PHC2: variants seen among roughly 807,000 people sequenced by gnomAD.
The protein encoded by PHC2 is polyhomeotic-like protein 2.
PHC2 carries 29 observed loss-of-function variants against 87.4 expected under a neutral mutation model. The ratio of observed to expected loss-of-function variants is 0.33; its 90% CI spans 0.25 to 0.45. The LOEUF (loss-of-function observed/expected upper bound fraction) is 0.45. Among genes scored for constraint, PHC2 ranks in the 20% least tolerant of loss-of-function variants. PHC2 has a pLI of 1.00. For synonymous variants in PHC2, 438 were observed against 461.7 expected, an observed-to-expected ratio of 0.95 and a Z score of 0.66; for missense variants, 857 against 1,136.7, an observed-to-expected ratio of 0.75 and a Z score of 3.54.
Position 33,328,958 on chromosome 1 carries a change from G to A in PHC2, c.2337C>T (p.Asp779=), listed in dbSNP as rs772487197. The A allele has an allele frequency of 3.7e-6, 6 of 1,613,994 alleles. No homozygotes were observed. The African/African-American group carries it at 5.3e-5, about 14-fold the overall frequency. Residue 779 remains aspartate (D), a synonymous_variant, in exon 14 of 15, where the codon GAC becomes GAT. Transcript: ENST00000683057. ...GGAAGTGGTGTCCCATGCCCACCAGGTCCCGCATATGCATGTCGGGGAGCT... is the reference window on the plus strand; with the variant it reads ...GGAAGTGGTGTCCCATGCCCACCAGATCCCGCATATGCATGTCGGGGAGCT... The part of the protein sequence containing the change: ...DLELPDMHMR[D]LVGMGHHFLP...
At chr1:33,400,467 T>G (rs1243836594) in intron 1 of PHC2, among the ~76,000 whole-genome samples, 1 of 152,244 alleles carries the variant, frequency 6.6e-6, no homozygotes, top group Admixed American at 6.5e-5. Context: ...TATTAAGCAC[T>G]TACTGTGTAG....
intron 1 of PHC2, among the ~76,000 whole-genome samples, chr1:33,414,638 T>C (rs139142786): frequency 6.1e-4 from 93 of 152,322 alleles, no homozygotes; most frequent in African/African-American, 2.0e-3. Context: ...TAGCCTTATT[T>C]TGAAATTCCT....
intron 2 of PHC2, among the ~76,000 whole-genome samples, chr1:33,373,274 C>A (rs909597002): frequency 3.3e-5 from 5 of 152,148 alleles, no homozygotes; most frequent in Non-Finnish European, 5.9e-5. Context: ...CCCGCCACCA[C>A]ACCTGGCTAA....
intron 1 of PHC2, among the ~76,000 whole-genome samples, chr1:33,420,453 GA>G (rs931632410): frequency 6.6e-6 from 1 of 151,942 alleles, no homozygotes; most frequent in Non-Finnish European, 1.5e-5. Context: ...AAGGAAGATT[GA>G]AAAAAATCAG....
chr1:33,369,598 T>C lies in PHC2; in HGVS notation c.576+823A>G, dbSNP rs1487287256. Among the ~76,000 whole-genome samples the C allele has an allele frequency of 5.3e-5, 8 of 152,058 alleles. No homozygotes were observed. Among genetic ancestry groups the C allele is most frequent in the Admixed American group, 5.2e-4 (8 of 15,274 alleles). The stretch of plus-strand genomic sequence containing the variant: ...TGATGAACTCAGAGCCAAGAACAAA[T>C]GTGCGGGAGCAAGACCAGACAAGCT... On this transcript the variant is annotated intron_variant, in intron 5 of 14. Transcript: ENST00000683057. This position sits in a 1 kb window ranked among gnomAD's most constrained non-coding sequence, Gnocchi z 4.7.
chr1:33,356,337 G>C (rs1305343841), intron 7 of PHC2, among the ~76,000 whole-genome samples: 1 of 141,150 alleles, frequency 7.1e-6, no homozygotes, highest in Non-Finnish European at 1.6e-5. Flanking sequence ...GTGTTTCTCG[G>C]AGAGGGGGAT....
intron 9 of PHC2, among the ~76,000 whole-genome samples, chr1:33,343,468 C>CAAAAAAAAAAAAAAAAAA: frequency 1.7e-5 from 1 of 59,842 alleles, no homozygotes; most frequent in Non-Finnish European, 2.9e-5. Context: ...GACTCTGTCT[C>CAAAAAAAAAAAAAAAAAA]AAAAAAAAAA....
At chr1:33,381,620 C>T (rs1648496701) in intron 1 of PHC2, among the ~76,000 whole-genome samples, 3 of 151,282 alleles carry the variant, frequency 2.0e-5, no homozygotes, top group East Asian at 1.9e-4. Context: ...AAACCAAGTC[C>T]GACTCCAAAG....
chr1:33,404,011 C>T (rs765594888), intron 1 of PHC2, among the ~76,000 whole-genome samples: 4 of 152,178 alleles, frequency 2.6e-5, no homozygotes, highest in Non-Finnish European at 5.9e-5. Flanking sequence ...ATGCCTATGG[C>T]TTCAATTACC....
chr1:33,350,636 G>C (rs1199110886), intron 9 of PHC2, among the ~76,000 whole-genome samples: 1 of 152,354 alleles, frequency 6.6e-6, no homozygotes, highest in East Asian at 1.9e-4. Context: ...CTCCATTCTT[G>C]ACTTCCCTCT....
In PHC2 at chr1:33,324,125, C is replaced by T. The variant is rs1646322301; in HGVS notation, c.*740G>A. 1 of 152,714 alleles carries T rather than the reference C, an allele frequency of 6.5e-6. No homozygotes were observed. The highest frequency in any genetic ancestry group is 1.5e-5 in the Non-Finnish European group (1 of 68,154). 9.5% of individuals were successfully genotyped at this position (152,714 alleles called of 1,614,324 possible). ...GCGCCGTCTCTTTCTGACCTTGCCT[C>T]TGCGCTGAGGCTGCCATTCTTGGCT... On this transcript the variant is annotated 3_prime_UTR_variant, in exon 15 of 15. Coordinates refer to ENST00000683057, the MANE Select transcript of PHC2 (RefSeq NM_001385109.1).
intron 1 of PHC2, among the ~76,000 whole-genome samples, chr1:33,419,637 T>G (rs1410071834): frequency 6.6e-6 from 1 of 151,802 alleles, no homozygotes; most frequent in East Asian, 1.9e-4. Flanking sequence ...TGAGACGGAG[T>G]CTCGCTCTGT....
At chr1:33,410,655 G>A (rs902485108) in intron 1 of PHC2, among the ~76,000 whole-genome samples, 3 of 152,160 alleles carry the variant, frequency 2.0e-5, no homozygotes, top group Admixed American at 6.5e-5. Context: ...TAAGCCTTTA[G>A]GGATCAAGGG....
Position 33,368,479 on chromosome 1 carries a change from G to A in PHC2, c.663+57C>T, listed in dbSNP as rs1647615828. 3.4e-6 allele frequency: 3 copies of A among 891,028 alleles called. No individual in the cohort carries two copies. In the South Asian group the frequency reaches 5.0e-5, roughly 15 times the overall value. The allele number at this position is 891,028 out of a possible 1,614,324, so 55.2% of individuals were successfully genotyped here. ...CTCCTTGTGCCCCTCCCCAGTATCA[G>A]TGCCCCTCTACAGGGGTGCCCACCC... On this transcript the variant is annotated intron_variant, in intron 6 of 14. Transcript: ENST00000683057. This position sits in a 1 kb window ranked among gnomAD's most constrained non-coding sequence, Gnocchi z 6.6.
At chr1:33,396,155 C>A (rs1649284452) in intron 1 of PHC2, among the ~76,000 whole-genome samples, 1 of 152,182 alleles carries the variant, frequency 6.6e-6, no homozygotes, top group African/African-American at 2.4e-5. Context: ...GGCTTAAGAG[C>A]CTCTATTCAG....
At chr1:33,381,751 A>C (rs1344931911) in intron 1 of PHC2, among the ~76,000 whole-genome samples, 1 of 151,514 alleles carries the variant, frequency 6.6e-6, no homozygotes, top group African/African-American at 2.4e-5. Flanking sequence ...GATATCTCTG[A>C]ATTTAATTCC....
intron 3 of PHC2, 30 bp from the exon 4 acceptor site, chr1:33,371,124 GTCCCAGACCTCC>G: frequency 6.4e-7 from 1 of 1,565,276 alleles, no homozygotes; most frequent in Non-Finnish European, 8.8e-7. Context: ...TCTTGCTAGA[GTCCCAGACCTCC>G]CCCAGTCACT....
intron 1 of PHC2, among the ~76,000 whole-genome samples, chr1:33,425,274 G>A (rs1452022216): frequency 6.6e-6 from 1 of 152,088 alleles, no homozygotes; most frequent in Non-Finnish European, 1.5e-5. Flanking sequence ...AAGCAGTCTT[G>A]GACATATACA....
chr1:33,354,343 G>A, intron 9 of PHC2, 58 bp downstream of exon 9: 1 of 1,502,410 alleles, frequency 6.7e-7, no homozygotes, highest in Non-Finnish European at 9.1e-7. Context: ...AATGTGCCAG[G>A]GCATGGCAAG....
Sources: gnomAD v4.1 joint callset for allele counts (sites outside exome capture counted in the v4.1 genomes callset) on GRCh38, gnomAD v4.1.1 for gene constraint, Gnocchi (gnomAD v3.1) non-coding constraint, MANE v1.5 for transcripts, NCBI Gene and HGNC (gene_info 2026-07-23, HGNC 2026-07-21) for gene names.